DCAF6: variants seen among roughly 807,000 people sequenced by gnomAD.
DCAF6 encodes the protein DDB1- and CUL4-associated factor 6.
In DCAF6, 54 loss-of-function variants were observed where a neutral mutation model predicts 125.1. The observed-to-expected ratio is 0.43, with a 90% CI of 0.35 to 0.54. DCAF6 has a LOEUF of 0.54. Among genes scored for constraint, DCAF6 ranks in the 20% least tolerant of loss-of-function variants. DCAF6 has a pLI of 0.01. For synonymous variants in DCAF6, 371 were observed against 390.4 expected (o/e 0.95, Z 0.58); for missense variants, 934 against 1,161.7 (o/e 0.80, Z 2.85).
chr1:168,044,487 G>A, intron 14 of DCAF6, 98 bp from the exon 15 acceptor site: 1 of 770,850 alleles, frequency 1.3e-6, no homozygotes, highest in Admixed American at 1.9e-5. Context: ...CATTATATAT[G>A]AGGGACTTGA....
the DCAF6 span, among the ~76,000 whole-genome samples, chr1:167,891,262 T>C: frequency 6.6e-6 from 1 of 151,588 alleles, no homozygotes; most frequent in Non-Finnish European, 1.5e-5. Context: ...GCTTGGCTCA[T>C]CTAACATTTA....
chr1:167,878,581 A>G, the DCAF6 span: 1 of 1,614,184 alleles, frequency 6.2e-7, no homozygotes, highest in Non-Finnish European at 8.5e-7. Context: ...GCAGGTCACA[A>G]TTCCTGGGTA....
chr1:167,945,467 G>T (rs992454498), intron 1 of DCAF6, among the ~76,000 whole-genome samples: 1 of 152,018 alleles, frequency 6.6e-6, no homozygotes, highest in Non-Finnish European at 1.5e-5. Context: ...GTGTGTGTGT[G>T]TATGTGTGTG....
chr1:168,066,800 T>C (rs1261135213), intron 20 of DCAF6, among the ~76,000 whole-genome samples: 2 of 152,182 alleles, frequency 1.3e-5, no homozygotes, highest in South Asian at 2.1e-4. Flanking sequence ...AATTTTATTA[T>C]AACTGTTTCT....
the DCAF6 span, chr1:167,878,360 A>G: frequency 5.4e-6 from 8 of 1,492,232 alleles, 1 homozygote; most frequent in Middle Eastern, 2.4e-4. Flanking sequence ...AACTGGCTCC[A>G]AATCTTAAAT....
intron 21 of DCAF6, among the ~76,000 whole-genome samples, chr1:168,071,098 A>G (rs1438501983): frequency 1.3e-5 from 2 of 152,176 alleles, no homozygotes; most frequent in African/African-American, 4.8e-5. Context: ...ATATTTATAT[A>G]CCCTTGATCT....
chr1:167,924,540 G>GAAAAAAA, the DCAF6 span: 1 of 1,243,800 alleles, frequency 8.0e-7, no homozygotes, highest in Non-Finnish European at 1.1e-6. Flanking sequence ...TCTGGGACCT[G>GAAAAAAA]AAAAAAAAAA....
At chr1:167,867,509 C>T in the DCAF6 span, among the ~76,000 whole-genome samples, 1 of 152,234 alleles carries the variant, frequency 6.6e-6, no homozygotes, top group African/African-American at 2.4e-5. Flanking sequence ...TACGAGGACT[C>T]TAAAAGAAAC....
chr1:168,061,236 T>C (rs1231554892), intron 17 of DCAF6, among the ~76,000 whole-genome samples: 1 of 152,190 alleles, frequency 6.6e-6, no homozygotes, highest in Non-Finnish European at 1.5e-5. Context: ...AAAATGTATG[T>C]GGAGATTCCT....
At chr1:167,901,674 G>A in the DCAF6 span, 10 of 1,613,970 alleles carry the variant, frequency 6.2e-6, no homozygotes, top group South Asian at 1.1e-5. Flanking sequence ...ATCTTGACTC[G>A]GATGTCTAGG....
chr1:167,945,040 GC>G (rs1672850990), intron 1 of DCAF6, among the ~76,000 whole-genome samples: 1 of 152,188 alleles, frequency 6.6e-6, no homozygotes, highest in South Asian at 2.1e-4. Context: ...CAAGTATGCG[GC>G]TTTATTTCTG....
At chr1:167,992,950 T>C (rs1326509213) in intron 6 of DCAF6, among the ~76,000 whole-genome samples, 1 of 152,196 alleles carries the variant, frequency 6.6e-6, no homozygotes, top group Non-Finnish European at 1.5e-5. Context: ...TTATAAATCA[T>C]TTTCCTTGAT....
chr1:167,967,726 T>G (rs1434748872), intron 3 of DCAF6, among the ~76,000 whole-genome samples: 2 of 141,828 alleles, frequency 1.4e-5, no homozygotes, highest in African/African-American at 5.3e-5. Flanking sequence ...TTTTTTTTTT[T>G]TTTTTTTTTT....
chr1:167,888,808 G>GAA, the DCAF6 span, among the ~76,000 whole-genome samples: 34 of 145,672 alleles, frequency 2.3e-4, no homozygotes, highest in Admixed American at 2.4e-3. Context: ...CCCGGGAGGC[G>GAA]GAGCGTGCAG....
the DCAF6 span, among the ~76,000 whole-genome samples, chr1:167,865,698 A>G: frequency 2.6e-5 from 4 of 152,382 alleles, no homozygotes; most frequent in Non-Finnish European, 4.4e-5. Context: ...GACTTAAAAC[A>G]AACTTTGGCA....
chr1:167,864,407 G>C, the DCAF6 span, among the ~76,000 whole-genome samples: 2 of 152,206 alleles, frequency 1.3e-5, no homozygotes, highest in Non-Finnish European at 2.9e-5. Context: ...TTGGCCATCA[G>C]AAGGAAGCCT....
the DCAF6 span, among the ~76,000 whole-genome samples, chr1:167,879,936 C>T: frequency 1.3e-5 from 2 of 152,188 alleles, no homozygotes; most frequent in Non-Finnish European, 2.9e-5. Flanking sequence ...ATACATAGCC[C>T]CAGAAATGCA....
chr1:168,058,211 C>A (rs898851318), intron 17 of DCAF6, among the ~76,000 whole-genome samples: 3 of 152,138 alleles, frequency 2.0e-5, no homozygotes, highest in African/African-American at 7.2e-5. Context: ...CACAGTTTAT[C>A]CATTTTCCTG....
chr1:167,980,916 CTTTTT>C (rs71100920), intron 4 of DCAF6, among the ~76,000 whole-genome samples: 1 of 113,568 alleles, frequency 8.8e-6, no homozygotes. Flanking sequence ...TCTGAATTTT[CTTTTT>C]TTTTTTTTTT....
Sources: allele counts gnomAD v4.1 joint callset (sites outside exome capture counted in the v4.1 genomes callset), GRCh38; gene constraint gnomAD v4.1.1; transcripts MANE v1.5; gene names NCBI Gene and HGNC (gene_info 2026-07-23, HGNC 2026-07-21).